Variants in MDGA1 observed in about 807,000 individuals in gnomAD.
MDGA1 encodes the protein MAM domain containing glycosylphosphatidylinositol anchor 1.
MDGA1 carries 54 observed loss-of-function variants against 101.5 expected under a neutral mutation model. The ratio of observed to expected loss-of-function variants is 0.53; its 90% confidence interval spans 0.43 to 0.67. MDGA1 has a LOEUF of 0.67. Ranked by LOEUF, MDGA1 falls within the 30% of genes least tolerant of loss-of-function variation. The probability of loss-of-function intolerance (pLI) is 0.00; values close to 1 mark genes in which losing one functional copy is unlikely to be tolerated. For synonymous variants in MDGA1, 533 were observed against 558.3 expected, an observed-to-expected ratio of 0.95 and a Z score of 0.64; for missense variants, 1,083 against 1,323.8, an observed-to-expected ratio of 0.82 and a Z score of 2.82.
At chr6:37,680,385 G>A (rs563338578) in intron 1 of MDGA1, among the ~76,000 whole-genome samples, 1 of 152,346 alleles carries the variant, frequency 6.6e-6, no homozygotes, top group Non-Finnish European at 1.5e-5. Context: ...GAAGGGAGAA[G>A]CACCTCCCAA....
chr6:37,650,291 G>A lies in MDGA1; in HGVS notation c.1427C>T (p.Ser476Phe), dbSNP rs765137931. The part of the protein sequence containing the change: ...RGKPRPPVLW[S>F]RVDKEAALLP... ...CAGTGCAGCCTCCTTGTCCACGCGGGACCAGAGCACTGGCGGCCGCGGCTT... is the reference window on the plus strand; with the variant it reads ...CAGTGCAGCCTCCTTGTCCACGCGGAACCAGAGCACTGGCGGCCGCGGCTT... The change falls in exon 8 of 17, where the codon TCC becomes TTC. Residue 476 changes from serine (S) to phenylalanine (F), a missense_variant. Physicochemically the swap from Ser to Phe is radical, Grantham distance 155 (BLOSUM62 -2). Around this residue, in one of 3 missense-constraint regions of MDGA1, gnomAD observed 657 missense variants for 771.4 expected, o/e 0.85. Coordinates refer to ENST00000434837, the MANE Select transcript of MDGA1 (RefSeq NM_153487.4). 2.6e-5 allele frequency: 42 copies of A among 1,604,234 alleles called. No homozygotes were observed. Among genetic ancestry groups the A allele is most frequent in the Non-Finnish European group, 1.3e-5 (15 of 1,177,162 alleles).
Position 37,635,908 on chromosome 6 carries a change from C to T in MDGA1, c.*1460G>A, listed in dbSNP as rs962217831. Reference sequence around the variant, plus strand: ...GGACACACACGCTGACGTACACGGACATTCATAGAAACGAATGGGTCTCAA... The same window carrying T: ...GGACACACACGCTGACGTACACGGATATTCATAGAAACGAATGGGTCTCAA... On this transcript the variant is annotated 3_prime_UTR_variant, in exon 17 of 17. Coordinates refer to ENST00000434837, the MANE Select transcript of MDGA1 (RefSeq NM_153487.4). The T allele has an allele frequency of 2.5e-6, 1 of 397,408 alleles. No individual in the cohort carries two copies. Among genetic ancestry groups the T allele is most frequent in the South Asian group, 1.4e-4 (1 of 7,010 alleles). The allele number at this position is 397,408 out of a possible 1,614,324, so 24.6% of individuals were successfully genotyped here.
intron 1 of MDGA1, among the ~76,000 whole-genome samples, chr6:37,692,575 C>A (rs1250404696): frequency 6.6e-6 from 1 of 152,084 alleles, no homozygotes; most frequent in Non-Finnish European, 1.5e-5. Flanking sequence ...CTACCACTGC[C>A]CGGATTTCCA....
intron 1 of MDGA1, among the ~76,000 whole-genome samples, chr6:37,694,874 G>A (rs995284956): frequency 1.3e-5 from 2 of 152,066 alleles, no homozygotes; most frequent in Non-Finnish European, 1.5e-5. Context: ...AGGCACAGGC[G>A]GGAGGGGAGA....
At chr6:37,660,242 CT>C (rs1310978415) in intron 2 of MDGA1, among the ~76,000 whole-genome samples, 2 of 151,720 alleles carry the variant, frequency 1.3e-5, no homozygotes, top group African/African-American at 4.8e-5. Flanking sequence ...TCTTGAACAC[CT>C]GGCCTGAAGC....
rs552519938 is a variant in MDGA1 at position 37,635,418 on chromosome 6, C to T, written c.*1950G>A. 4.8e-4 allele frequency: 191 copies of T among 398,512 alleles called. No homozygotes were observed. Among genetic ancestry groups the T allele is most frequent in the African/African-American group, 3.5e-3 (171 of 48,734 alleles). The allele number at this position is 398,512 out of a possible 1,614,324, so 24.7% of individuals were successfully genotyped here. On this transcript the variant is annotated 3_prime_UTR_variant, in exon 17 of 17. Coordinates refer to ENST00000434837, the MANE Select transcript of MDGA1 (RefSeq NM_153487.4). Reference sequence around the variant, plus strand: ...GATGGGACAGTTAAGGAACAATACCCGACAGACGCGATGGAAGTGTATGCT... The same window carrying T: ...GATGGGACAGTTAAGGAACAATACCTGACAGACGCGATGGAAGTGTATGCT...
chr6:37,667,296 C>T (rs563859953), intron 1 of MDGA1, among the ~76,000 whole-genome samples: 1 of 152,300 alleles, frequency 6.6e-6, no homozygotes, highest in Non-Finnish European at 1.5e-5. Context: ...GCCTGGCTGC[C>T]ACAGAGGAAT....
intron 2 of MDGA1, 47 bp from the exon 3 acceptor site, chr6:37,658,466 G>A (rs1581603252): frequency 3.2e-6 from 5 of 1,553,468 alleles, no homozygotes; most frequent in Non-Finnish European, 4.4e-6. Context: ...CTCACACGGG[G>A]TGGGGGCCTC....
chr6:37,684,873 C>G (rs1762164687), intron 1 of MDGA1, among the ~76,000 whole-genome samples: 1 of 152,140 alleles, frequency 6.6e-6, no homozygotes, highest in African/African-American at 2.4e-5. Context: ...TCCTCAAGGT[C>G]CCCTGCATTT....
intron 1 of MDGA1, among the ~76,000 whole-genome samples, chr6:37,695,754 C>A (rs967997697): frequency 2.6e-5 from 4 of 152,230 alleles, no homozygotes; most frequent in Non-Finnish European, 5.9e-5. Context: ...TCCTGCCCGC[C>A]CCAGCCACAC....
chr6:37,649,833 C>A, intron 8 of MDGA1: 1 of 656,548 alleles, frequency 1.5e-6, no homozygotes, highest in South Asian at 1.5e-5. Context: ...CCTTCCTCCT[C>A]CTTCAAAATC....
chr6:37,638,676 G>A lies in MDGA1; in HGVS notation c.2537-9C>T, dbSNP rs1763993514. ...CAGGAGGTTGAGGGAGCCTGCGGTG[G>A]GTGTGAAGACAGTGGGCAGTGAGAT... On this transcript the variant is annotated splice_polypyrimidine_tract_variant and intron_variant, in intron 14 of 16. Transcript: ENST00000434837. The surrounding 1 kb of genome is among the most constrained non-coding windows in gnomAD (Gnocchi z 4.8). 6.2e-7 allele frequency: 1 copy of A among 1,610,236 alleles called. No homozygotes were observed. Among genetic ancestry groups the A allele is most frequent in the Non-Finnish European group, 8.5e-7 (1 of 1,178,200 alleles).
chr6:37,649,237 C>G lies in MDGA1; in HGVS notation c.1639G>C (p.Asp547His). 6.6e-7 allele frequency: 1 copy of G among 1,507,788 alleles called. No homozygotes were observed. Among genetic ancestry groups the G allele is most frequent in the Non-Finnish European group, 8.8e-7 (1 of 1,136,368 alleles). 93.4% of individuals were successfully genotyped at this position (1,507,788 alleles called of 1,614,324 possible). Residue 547 changes from aspartate to histidine, a missense_variant, in exon 9 of 17, where the codon GAC becomes CAC. Asp to His is a moderately conservative substitution (Grantham distance 81, BLOSUM62 -1). Around this residue, in one of 3 missense-constraint regions of MDGA1, gnomAD observed 657 missense variants for 771.4 expected, o/e 0.85. Coordinates refer to ENST00000434837, the MANE Select transcript of MDGA1 (RefSeq NM_153487.4). ...FPPEVEPSSQ[D>H]VRQALGRPVL... ...GGCCGGCCCAGCGCCTGGCGCACGTCCTGGGAACTGGGCTCCACCTCCGGC... is the reference window on the plus strand; with the variant it reads ...GGCCGGCCCAGCGCCTGGCGCACGTGCTGGGAACTGGGCTCCACCTCCGGC...
In MDGA1 at chr6:37,646,136, G is replaced by C. The variant is rs1346349789; in HGVS notation, c.2224+62C>G. On this transcript the variant is annotated intron_variant, in intron 11 of 16. Coordinates refer to ENST00000434837, the MANE Select transcript of MDGA1 (RefSeq NM_153487.4). ...CAAGCTTAGGAACCACATGAGGATG[G>C]TGAAAGGGGTCCCTGGCCATGAGAT... The C allele has an allele frequency of 2.6e-6, 4 of 1,550,700 alleles. No homozygotes were observed. The African/African-American group carries it at 5.4e-5, about 21-fold the overall frequency.
At chr6:37,692,155 A>C (rs1190525113) in intron 1 of MDGA1, among the ~76,000 whole-genome samples, 1 of 152,170 alleles carries the variant, frequency 6.6e-6, no homozygotes, top group Non-Finnish European at 1.5e-5. Flanking sequence ...GGAGCCCAGG[A>C]AAGGCAAGAT....
intron 14 of MDGA1, among the ~76,000 whole-genome samples, chr6:37,640,454 T>G (rs1764039993): frequency 6.6e-6 from 1 of 151,914 alleles, no homozygotes. Flanking sequence ...TCCTCCCACC[T>G]CAGCCTCCCA....
chr6:37,668,911 G>A (rs1364930171), intron 1 of MDGA1, among the ~76,000 whole-genome samples: 1 of 152,034 alleles, frequency 6.6e-6, no homozygotes, highest in Non-Finnish European at 1.5e-5. Flanking sequence ...ACAGTGGCAC[G>A]ATCTCAGTTC....
rs114996380 is a variant in MDGA1 at position 37,689,231 on chromosome 6, T to G, written c.67+7514A>C. ...GGGCTCTGGCCTCAGCCCAATCCCT[T>G]CTCTCTACTTTCTAATCCCTGGCAA... is the stretch of plus-strand genomic sequence containing the variant. On this transcript the variant is annotated intron_variant, in intron 1 of 16. Transcript: ENST00000434837. 4.3e-3 allele frequency among the ~76,000 whole-genome samples: 656 copies of G among 152,206 alleles called. 5 individuals are homozygous for G. Among genetic ancestry groups the G allele is most frequent in the African/African-American group, 0.015 (637 of 41,528 alleles).
intron 12 of MDGA1, among the ~76,000 whole-genome samples, chr6:37,645,704 G>C (rs1246099221): frequency 2.0e-5 from 3 of 152,102 alleles, no homozygotes; most frequent in Non-Finnish European, 4.4e-5. Flanking sequence ...GGGACAGTAA[G>C]CCTCTCCCCA....
Sources: allele counts gnomAD v4.1 joint callset (sites outside exome capture counted in the v4.1 genomes callset), GRCh38; gene constraint gnomAD v4.1.1; regional missense constraint gnomAD v4.1.1; non-coding constraint Gnocchi (gnomAD v3.1); transcripts MANE v1.5; gene names NCBI Gene and HGNC (gene_info 2026-07-23, HGNC 2026-07-21).